The following OR52K1 variants were observed in gnomAD, a reference collection of about 807,000 sequenced individuals.
OR52K1 encodes the protein olfactory receptor family 52 subfamily K member 1, also known as olfactory receptor 52K1.
In OR52K1, 10 loss-of-function variants were observed where a neutral mutation model predicts 8.7. The observed-to-expected ratio is 1.15, with a 90% CI of 0.71 to 1.95. The LOEUF (loss-of-function observed/expected upper bound fraction) is 1.95, where lower values mean the gene tolerates loss of function less well. Among genes scored for constraint, OR52K1 ranks in the 30% most tolerant of loss-of-function variants. OR52K1 has a pLI of 0.00. For missense variants in OR52K1, 431 were observed against 397.2 expected (o/e 1.08, Z -0.72); for synonymous variants, 203 against 148.5 (o/e 1.37, Z -2.67).
intron 1 of OR52K1, among the ~76,000 whole-genome samples, chr11:4,487,679 T>A (rs1846331643): frequency 6.6e-6 from 1 of 152,174 alleles, no homozygotes; most frequent in Non-Finnish European, 1.5e-5. Flanking sequence ...GCAATTATTA[T>A]ATTTCCCAAC....
chr11:4,484,211 T>C (rs1227248479), intron 1 of OR52K1, among the ~76,000 whole-genome samples: 1 of 152,158 alleles, frequency 6.6e-6, no homozygotes, highest in African/African-American at 2.4e-5. Context: ...CTTCATGATA[T>C]GGTGGGTAAT....
chr11:4,489,797 G>T lies in OR52K1; in HGVS notation c.897G>T (p.Lys299Asn). ...VNPIIYGVKTKQIREYVLSLF... is the reference protein window; with the variant it reads ...VNPIIYGVKTNQIREYVLSLF... The stretch of plus-strand genomic sequence containing the variant: ...CTATCATATATGGAGTCAAGACCAA[G>T]CAGATTCGTGAGTATGTGCTCAGTC... Residue 299 changes from lysine to asparagine, a missense_variant, in exon 2 of 2, where the codon AAG (lysine) becomes AAT (asparagine). Lys to Asn is a moderately conservative substitution (Grantham distance 94, BLOSUM62 0). Transcript: ENST00000641528. 1.2e-6 allele frequency: 2 copies of T among 1,613,630 alleles called. No individual in the cohort carries two copies. Among genetic ancestry groups the T allele is most frequent in the Non-Finnish European group, 8.5e-7 (1 of 1,179,732 alleles).
rs1046506059 is a variant in OR52K1 at position 4,491,147 on chromosome 11, C to T, written c.*1302C>T. 1 of 152,212 alleles carries T rather than the reference C, an allele frequency of 6.6e-6. No homozygotes were observed. Among genetic ancestry groups the T allele is most frequent in the Non-Finnish European group, 1.5e-5 (1 of 68,036 alleles). 9.4% of individuals were successfully genotyped at this position (152,212 alleles called of 1,614,324 possible). On this transcript the variant is annotated 3_prime_UTR_variant, in exon 2 of 2. Coordinates refer to ENST00000641528, the MANE Select transcript of OR52K1 (RefSeq NM_001005171.3). ...GTATTACTGTCCACCAATATTTAGT[C>T]TCCTGTCCTTCTATCATGGGTAGGG... is the stretch of plus-strand genomic sequence containing the variant.
Position 4,492,140 on chromosome 11 carries a change from G to C in OR52K1, c.*2295G>C, listed in dbSNP as rs1846380318. On this transcript the variant is annotated 3_prime_UTR_variant, in exon 2 of 2. Coordinates refer to ENST00000641528, the MANE Select transcript of OR52K1 (RefSeq NM_001005171.3). ...GCCATTATTCTTTGCAAATTAAAGT[G>C]TGCATTAACTTTCCTGCTTTCTTTC... 6.6e-6 allele frequency: 1 copy of C among 152,118 alleles called. No homozygotes were observed. The highest frequency in any genetic ancestry group is 2.4e-5 in the African/African-American group (1 of 41,414). The allele number at this position is 152,118 out of a possible 1,614,324, so 9.4% of individuals were successfully genotyped here.
At position 4,489,095 on chromosome 11, in the gene OR52K1, G is replaced by T. The variant is rs1381175205; in HGVS notation, c.195G>T (p.Leu65=). 1.2e-6 allele frequency: 2 copies of T among 1,614,136 alleles called. No homozygotes were observed. Among genetic ancestry groups the T allele is most frequent in the South Asian group, 2.2e-5 (2 of 91,070 alleles). Residue 65 remains leucine (L), a synonymous_variant, in exon 2 of 2, where the codon CTG becomes CTT. Coordinates refer to ENST00000641528, the MANE Select transcript of OR52K1 (RefSeq NM_001005171.3). ...TCCATGAACCCATGTACCTCTTTCT[G>T]GCCATGTTGGCAACCATTGACTTGG... ...AALHEPMYLF[L]AMLATIDLVL...
intron 1 of OR52K1, among the ~76,000 whole-genome samples, chr11:4,486,462 C>T (rs893585181): frequency 1.3e-5 from 2 of 152,228 alleles, no homozygotes; most frequent in East Asian, 3.8e-4. Flanking sequence ...ATACCACTGG[C>T]ATGAAACTTT....
rs370995457 is a variant in OR52K1, at chr11:4,483,071, C to G, written c.-434C>G. On this transcript the variant is annotated 5_prime_UTR_variant, in exon 1 of 2. Coordinates refer to ENST00000641528, the MANE Select transcript of OR52K1 (RefSeq NM_001005171.3). ...GGATCTGTCACTTCTCACCTCCTGT[C>G]ATTGCTTTTTCTAACCCCTGGCAAA... 2 of 398,258 alleles carry G rather than the reference C, an allele frequency of 5.0e-6. No individual in the cohort carries two copies. Among genetic ancestry groups the G allele is most frequent in the African/African-American group, 4.1e-5 (2 of 48,616 alleles). 24.7% of individuals were successfully genotyped at this position (398,258 alleles called of 1,614,324 possible). A position where few individuals can be genotyped will look rare whatever the true frequency, so the allele number is the denominator to read the frequency against.
chr11:4,488,818 A>G lies in OR52K1; in HGVS notation c.-83A>G. 1.1e-6 allele frequency: 1 copy of G among 905,436 alleles called. No homozygotes were observed. The highest frequency in any genetic ancestry group is 1.7e-6 in the Non-Finnish European group (1 of 573,254). 56.1% of individuals were successfully genotyped at this position (905,436 alleles called of 1,614,324 possible). A position where few individuals can be genotyped will look rare whatever the true frequency, so the allele number is the denominator to read the frequency against. ...TTTGCAGGTGGGATAGCACAGGTTG[A>G]ACTCTAATCATATATACTGTAGAAG... On this transcript the variant is annotated 5_prime_UTR_variant, in exon 2 of 2. The change abolishes the stop of an existing upstream ORF in the 5' untranslated region. Coordinates refer to ENST00000641528, the MANE Select transcript of OR52K1 (RefSeq NM_001005171.3).
Position 4,488,728 on chromosome 11 carries a change from T to C in OR52K1, c.-173T>C. 1.7e-6 allele frequency: 1 copy of C among 596,168 alleles called. No homozygotes were observed. Among genetic ancestry groups the C allele is most frequent in the Non-Finnish European group, 3.0e-6 (1 of 335,772 alleles). 36.9% of individuals were successfully genotyped at this position (596,168 alleles called of 1,614,324 possible). A position where few individuals can be genotyped will look rare whatever the true frequency, so the allele number is the denominator to read the frequency against. The stretch of plus-strand genomic sequence containing the variant: ...GGGTAGAAAATATGGATTATACTTC[T>C]CCATGTCTATGAAGGCTGCTAGGTT... On this transcript the variant is annotated 5_prime_UTR_variant, in exon 2 of 2. Transcript: ENST00000641528.
At position 4,492,545 on chromosome 11, in the gene OR52K1, G is replaced by T. The variant is rs1361085288; in HGVS notation, c.*2700G>T. ...CCAAGGAGCACCAATTGCTGGAGTT[G>T]TGAGTTCTATCTTGCATTTCAACTC... On this transcript the variant is annotated 3_prime_UTR_variant, in exon 2 of 2. Transcript: ENST00000641528. 6.6e-6 allele frequency: 1 copy of T among 152,236 alleles called. No homozygotes were observed. The highest frequency in any genetic ancestry group is 2.4e-5 in the African/African-American group (1 of 41,450). The allele number at this position is 152,236 out of a possible 1,614,324, so 9.4% of individuals were successfully genotyped here. A position where few individuals can be genotyped will look rare whatever the true frequency, so the allele number is the denominator to read the frequency against.
At chr11:4,485,328 C>T (rs1424950927) in intron 1 of OR52K1, among the ~76,000 whole-genome samples, 3 of 152,050 alleles carry the variant, frequency 2.0e-5, no homozygotes, top group Non-Finnish European at 4.4e-5. Flanking sequence ...ACTGTCTGGG[C>T]GATCTCAAAC....
In OR52K1 at chr11:4,489,892, C is replaced by T; in HGVS notation, c.*47C>T. 2.2e-6 allele frequency: 3 copies of T among 1,374,516 alleles called. No individual in the cohort carries two copies. The highest frequency in any genetic ancestry group is 2.7e-5 in the South Asian group (2 of 74,736). 85.1% of individuals were successfully genotyped at this position (1,374,516 alleles called of 1,614,324 possible). Reference sequence around the variant, plus strand: ...TCCCACTTGCCAAGTAATGAGAATGCTGGATTGGGGTTGAGGGGAAAAATC... The same window carrying T: ...TCCCACTTGCCAAGTAATGAGAATGTTGGATTGGGGTTGAGGGGAAAAATC... On this transcript the variant is annotated 3_prime_UTR_variant, in exon 2 of 2. Transcript: ENST00000641528.
rs1846358825 is a variant in OR52K1 at position 4,489,823 on chromosome 11, T to C, written c.923T>C (p.Leu308Pro). Residue 308 changes from leucine (L) to proline (P), a missense_variant, in exon 2 of 2, where the codon CTA (leucine) becomes CCA (proline). Coordinates refer to ENST00000641528, the MANE Select transcript of OR52K1 (RefSeq NM_001005171.3). ...TKQIREYVLS[L>P]FQRKNM ...CAGATTCGTGAGTATGTGCTCAGTC[T>C]ATTCCAGAGAAAGAACATGTAGATG... The C allele has an allele frequency of 6.2e-7, 1 of 1,607,606 alleles. No individual in the cohort carries two copies. Among genetic ancestry groups the C allele is most frequent in the Admixed American group, 1.7e-5 (1 of 59,400 alleles).
chr11:4,489,013 C>T lies in OR52K1; in HGVS notation c.113C>T (p.Thr38Ile). The T allele has an allele frequency of 1.2e-6, 2 of 1,614,186 alleles. No individual in the cohort carries two copies. The highest frequency in any genetic ancestry group is 1.7e-6 in the Non-Finnish European group (2 of 1,180,038). Residue 38 changes from threonine to isoleucine, a missense_variant, in exon 2 of 2, where the codon ACT becomes ATT. Physicochemically the swap from Thr to Ile is moderately conservative, Grantham distance 89 (BLOSUM62 -1). Transcript: ENST00000641528. ...WISIPFCFAY[T>I]LALLGNCTLL... is the part of the protein sequence containing the mutation. ...TCCATCCCCTTCTGCTTTGCTTATA[C>T]TCTGGCCCTGCTAGGCAACTGTACC...
intron 1 of OR52K1, among the ~76,000 whole-genome samples, chr11:4,484,833 GACACACACACACACACACACAC>G (rs57428088): frequency 1.8e-5 from 2 of 113,676 alleles, no homozygotes; most frequent in Admixed American, 1.7e-4. Flanking sequence ...AAAACACACA[GACACACACACACACACACACAC>G]ACACACACAC....
chr11:4,484,545 G>T (rs1228013175), intron 1 of OR52K1, among the ~76,000 whole-genome samples: 2 of 152,124 alleles, frequency 1.3e-5, no homozygotes, highest in Admixed American at 1.3e-4. Flanking sequence ...TTCTGCCTCA[G>T]GCATGGCAGG....
chr11:4,487,066 C>T (rs1441145739), intron 1 of OR52K1, among the ~76,000 whole-genome samples: 1 of 152,070 alleles, frequency 6.6e-6, no homozygotes, highest in Non-Finnish European at 1.5e-5. Flanking sequence ...CATTGATTGT[C>T]ACAGTAAAAG....
chr11:4,489,023 G>T lies in OR52K1; in HGVS notation c.123G>T (p.Leu41=), dbSNP rs779109252. ...IPFCFAYTLA[L]LGNCTLLFII... ...TCTGCTTTGCTTATACTCTGGCCCT[G>T]CTAGGCAACTGTACCCTTCTCTTCA... The change falls in exon 2 of 2, where the codon CTG becomes CTT. Residue 41 remains leucine (L), a synonymous_variant. Transcript: ENST00000641528. 1 of 1,614,124 alleles carries T rather than the reference G, an allele frequency of 6.2e-7. No homozygotes were observed. Among genetic ancestry groups the T allele is most frequent in the Admixed American group, 1.7e-5 (1 of 60,020 alleles).
chr11:4,489,580 T>C lies in OR52K1; in HGVS notation c.680T>C (p.Val227Ala). 1 of 1,614,254 alleles carries C rather than the reference T, an allele frequency of 6.2e-7. No individual in the cohort carries two copies. The highest frequency in any genetic ancestry group is 8.5e-7 in the Non-Finnish European group (1 of 1,180,036). ...ILSYVFILQA[V>A]LQLASQEARY... Reference sequence around the variant, plus strand: ...TCTTATGTCTTCATCCTTCAGGCAGTTCTCCAGCTTGCCTCTCAGGAGGCC... The same window carrying C: ...TCTTATGTCTTCATCCTTCAGGCAGCTCTCCAGCTTGCCTCTCAGGAGGCC... The change falls in exon 2 of 2, where the codon GTT becomes GCT. Residue 227 changes from valine (V) to alanine (A), a missense_variant. Physicochemically the swap from Val to Ala is moderately conservative, Grantham distance 64 (BLOSUM62 0). Coordinates refer to ENST00000641528, the MANE Select transcript of OR52K1 (RefSeq NM_001005171.3).
Sources: allele counts gnomAD v4.1 joint callset (sites outside exome capture counted in the v4.1 genomes callset), GRCh38; gene constraint gnomAD v4.1.1; transcripts MANE v1.5; gene names NCBI Gene and HGNC (gene_info 2026-07-23, HGNC 2026-07-21).